APC: variants seen among roughly 807,000 people sequenced by gnomAD.
The protein encoded by APC is adenomatous polyposis coli protein.
In APC, 72 loss-of-function variants were observed where a neutral mutation model predicts 247.0. The observed-to-expected ratio is 0.29, with a 90% CI of 0.24 to 0.35. The LOEUF (loss-of-function observed/expected upper bound fraction) is 0.35. APC is among the 10% of genes least tolerant of loss of function. The pLI, the probability that APC is intolerant of heterozygous loss-of-function variation, is 1.00. For missense variants in APC, 3,400 were observed against 3,360.7 expected (o/e 1.01, Z -0.29); for synonymous variants, 1,254 against 1,162.5 (o/e 1.08, Z -1.60).
chr5:112,789,212 G>A (rs915655821), intron 6 of APC, among the ~76,000 whole-genome samples: 9 of 152,118 alleles, frequency 5.9e-5, no homozygotes, highest in African/African-American at 2.2e-4. Context: ...AAATATTCTT[G>A]TCATATAGAA....
Position 112,780,832 on chromosome 5 carries a change from G to A in APC, c.574G>A (p.Glu192Lys), listed in dbSNP as rs757159551. ...TATGACCAGAAGGCAATTGGAATATGAAGCAAGGCAAATCAGAGTTGCGAT... is the reference window on the plus strand; with the variant it reads ...TATGACCAGAAGGCAATTGGAATATAAAGCAAGGCAAATCAGAGTTGCGAT... ...TDMTRRQLEY[E>K]ARQIRVAMEE... is the part of the protein sequence containing the mutation. Residue 192 changes from glutamate to lysine, a missense_variant, in exon 6 of 16, where the codon GAA becomes AAA. Physicochemically the swap from Glu to Lys is moderately conservative, Grantham distance 56. This residue lies in a region of APC where 372 missense variants were observed against 367.6 expected (regional missense o/e 1.01). Coordinates refer to ENST00000257430, the MANE Select transcript of APC (RefSeq NM_000038.6). 1 of 1,613,494 alleles carries A rather than the reference G, an allele frequency of 6.2e-7. No individual in the cohort carries two copies. The highest frequency in any genetic ancestry group is 8.5e-7 in the Non-Finnish European group (1 of 1,179,588).
chr5:112,819,577 A>G (rs575593754), intron 10 of APC, among the ~76,000 whole-genome samples: 2 of 152,320 alleles, frequency 1.3e-5, no homozygotes, highest in African/African-American at 4.8e-5. Context: ...AGAAATTTAT[A>G]CAATCATAGC....
chr5:112,828,716 T>A (rs1763987861), intron 13 of APC, 140 bp from the exon 14 acceptor site: 6 of 626,996 alleles, frequency 9.6e-6, no homozygotes, highest in Non-Finnish European at 1.7e-5. Context: ...CCCAAAGTGA[T>A]AGGATTACAG....
chr5:112,803,955 T>G (rs550334466), intron 8 of APC, among the ~76,000 whole-genome samples: 1 of 152,310 alleles, frequency 6.6e-6, no homozygotes, highest in East Asian at 1.9e-4. Context: ...GAATCCAGAT[T>G]CTTCATGTTG....
chr5:112,720,672 A>G (rs906359397), intron 1 of APC, among the ~76,000 whole-genome samples: 1 of 152,246 alleles, frequency 6.6e-6, no homozygotes, highest in Non-Finnish European at 1.5e-5. Context: ...GGTCTGTTAC[A>G]GATTTGAGGA....
intron 8 of APC, among the ~76,000 whole-genome samples, chr5:112,812,197 G>A (rs1220557562): frequency 6.6e-6 from 1 of 152,122 alleles, no homozygotes; most frequent in African/African-American, 2.4e-5. Context: ...TAAAGGGGAA[G>A]GGATTACAAA....
chr5:112,722,063 C>CA (rs910662180), intron 1 of APC, among the ~76,000 whole-genome samples: 1 of 152,134 alleles, frequency 6.6e-6, no homozygotes, highest in African/African-American at 2.4e-5. Context: ...AAAGACCCCC[C>CA]CATTGAGAAA....
In APC at chr5:112,795,218, G is replaced by T. The variant is rs554174268; in HGVS notation, c.729+2689G>T. ...ATATTTTGTATTTTTAGTAGAGATG[G>T]GGTTTCACCATATTGGCCAGGCTGG... On this transcript the variant is annotated intron_variant, in intron 7 of 15. Coordinates refer to ENST00000257430, the MANE Select transcript of APC (RefSeq NM_000038.6). Among the ~76,000 whole-genome samples the T allele has an allele frequency of 3.9e-5, 6 of 152,192 alleles. No individual in the cohort carries two copies. In the East Asian group the frequency reaches 9.7e-4, roughly 24 times the overall value.
At chr5:112,833,705 A>G (rs1764559309) in intron 14 of APC, among the ~76,000 whole-genome samples, 1 of 152,144 alleles carries the variant, frequency 6.6e-6, no homozygotes, top group South Asian at 2.1e-4. Context: ...TGACTTTGAT[A>G]ATTGTATGTT....
chr5:112,778,547 CTT>C (rs1002938209), intron 5 of APC: 1 of 131,902 alleles, frequency 7.6e-6, no homozygotes, highest in Non-Finnish European at 1.6e-5. Flanking sequence ...TTTCACGTAA[CTT>C]ATTTTTTTTT....
intron 1 of APC, among the ~76,000 whole-genome samples, chr5:112,727,166 C>T (rs1751833539): frequency 6.6e-6 from 1 of 151,740 alleles, no homozygotes; most frequent in African/African-American, 2.4e-5. Context: ...TTGACATAGT[C>T]CAGTAATGCT....
intron 1 of APC, chr5:112,738,609 G>C: frequency 1.6e-6 from 1 of 617,650 alleles, no homozygotes; most frequent in Non-Finnish European, 2.0e-6. Context: ...TGCAGTGGTA[G>C]TGGCTTTTTG....
At chr5:112,836,122 G>A (rs887760556) in intron 15 of APC, among the ~76,000 whole-genome samples, 2 of 115,914 alleles carry the variant, frequency 1.7e-5, no homozygotes, top group Non-Finnish European at 3.3e-5. Context: ...TGGGGTTCAA[G>A]CGATTCTCCT....
chr5:112,807,920 C>T (rs990152083), intron 8 of APC, among the ~76,000 whole-genome samples: 2 of 151,984 alleles, frequency 1.3e-5, no homozygotes, highest in East Asian at 1.9e-4. Context: ...TTCCAGAGGC[C>T]GGGGTGAGCG....
intron 8 of APC, among the ~76,000 whole-genome samples, chr5:112,804,505 G>A (rs756903383): frequency 4.0e-5 from 6 of 151,832 alleles, no homozygotes; most frequent in Admixed American, 6.6e-5. Context: ...TCAGCCTCCC[G>A]AGTAGCTGGG....
In APC at chr5:112,841,759, A is replaced by C. The variant is rs2149958650; in HGVS notation, c.6165A>C (p.Arg2055Ser). Residue 2055 changes from arginine to serine, a missense_variant, in exon 16 of 16, where the codon AGA (arginine) becomes AGC (serine). Coordinates refer to ENST00000257430, the MANE Select transcript of APC (RefSeq NM_000038.6). This position sits in a 1 kb window ranked among gnomAD's most constrained non-coding sequence, Gnocchi z 4.6. ...TGCCAAAAAAGAAAAAGCCTTCAAG[A>C]CTCAAGGGTGATAATGAAAAACATA... Reference protein sequence around the residue: ...SAMPKKKKPSRLKGDNEKHSP... With the variant: ...SAMPKKKKPSSLKGDNEKHSP... 6.2e-7 allele frequency: 1 copy of C among 1,614,064 alleles called. No individual in the cohort carries two copies. Among genetic ancestry groups the C allele is most frequent in the Non-Finnish European group, 8.5e-7 (1 of 1,179,940 alleles).
intron 3 of APC, 147 bp downstream of exon 3, chr5:112,766,557 A>G (rs995225253): frequency 1.6e-6 from 1 of 612,818 alleles, no homozygotes. Flanking sequence ...TGTAATTGTT[A>G]AAGTACAAAT....
In APC at chr5:112,840,593, A is replaced by G. The variant is rs775241441; in HGVS notation, c.4999A>G (p.Asn1667Asp). ...LSDLTIESPP[N>D]ELAAGEGVRG... ...TGATCTAACAATCGAATCCCCTCCAAATGAGTTAGCTGCTGGAGAAGGAGT... is the reference window on the plus strand; with the variant it reads ...TGATCTAACAATCGAATCCCCTCCAGATGAGTTAGCTGCTGGAGAAGGAGT... The change falls in exon 16 of 16, where the codon AAT (asparagine) becomes GAT (aspartate). Residue 1667 changes from asparagine (N) to aspartate (D), a missense_variant. Asn to Asp is a conservative substitution (Grantham distance 23). Transcript: ENST00000257430. The surrounding 1 kb of genome is among the most constrained non-coding windows in gnomAD (Gnocchi z 4.1). 7 of 1,614,078 alleles carry G rather than the reference A, an allele frequency of 4.3e-6. No individual in the cohort carries two copies. The highest frequency in any genetic ancestry group is 3.3e-5 in the South Asian group (3 of 91,080).
At chr5:112,739,204 A>T (rs559380064) in intron 1 of APC, among the ~76,000 whole-genome samples, 34 of 152,230 alleles carry the variant, frequency 2.2e-4, no homozygotes, top group African/African-American at 7.0e-4. Context: ...TACTCATGAG[A>T]TATACTCTTG....
Sources: gnomAD v4.1 joint callset for allele counts (sites outside exome capture counted in the v4.1 genomes callset) on GRCh38, gnomAD v4.1.1 for gene constraint, gnomAD v4.1.1 regional missense constraint, Gnocchi (gnomAD v3.1) non-coding constraint, MANE v1.5 for transcripts, NCBI Gene and HGNC (gene_info 2026-07-23, HGNC 2026-07-21) for gene names.